Variants in PTPRD observed in about 807,000 individuals in gnomAD.
The protein encoded by PTPRD is protein tyrosine phosphatase receptor type D.
A neutral mutation model predicts 214.5 loss-of-function variants in PTPRD; 34 were observed. That is an observed-to-expected ratio of 0.16 (90% confidence interval 0.12 to 0.21). PTPRD has a LOEUF of 0.21. Among genes scored for constraint, PTPRD ranks in the 10% least tolerant of loss-of-function variants. The pLI is 1.00. For missense variants in PTPRD, 2,545 were observed against 2,398.7 expected (o/e 1.06, Z -1.27); for synonymous variants, 1,128 against 845.7 (o/e 1.33, Z -5.79).
intron 5 of PTPRD, among the ~76,000 whole-genome samples, chr9:9,792,201 T>C (rs2098972903): frequency 1.3e-5 from 2 of 152,086 alleles, no homozygotes; most frequent in African/African-American, 4.8e-5. Context: ...CCTCAGTGAG[T>C]GTGAAACTTT....
At chr9:10,261,075 A>G (rs12353170) in intron 3 of PTPRD, among the ~76,000 whole-genome samples, 2 of 116,640 alleles carry the variant, frequency 1.7e-5, no homozygotes, top group East Asian at 2.6e-4. Context: ...TATTATATAT[A>G]TGTGTGTATA....
At chr9:9,765,627 ACTAC>A (rs1174366111) in intron 6 of PTPRD, among the ~76,000 whole-genome samples, 2 of 152,160 alleles carry the variant, frequency 1.3e-5, no homozygotes, top group Non-Finnish European at 2.9e-5. Context: ...ACCTTCTCCC[ACTAC>A]CTAATCCTGA....
chr9:10,155,185 G>T (rs1011535704), intron 3 of PTPRD, among the ~76,000 whole-genome samples: 3 of 151,932 alleles, frequency 2.0e-5, no homozygotes, highest in Non-Finnish European at 4.4e-5. Flanking sequence ...TGTAATCCTA[G>T]GTATTTTACT....
chr9:8,706,888 C>A (rs566331496), intron 12 of PTPRD, among the ~76,000 whole-genome samples: 1 of 152,168 alleles, frequency 6.6e-6, no homozygotes. Context: ...TTAGCATTAT[C>A]CTCCCGTGCC....
chr9:10,607,927 T>C (rs1158640041), intron 2 of PTPRD, among the ~76,000 whole-genome samples: 1 of 151,952 alleles, frequency 6.6e-6, no homozygotes, highest in African/African-American at 2.4e-5. Flanking sequence ...GTAAAAATTA[T>C]TGTCTGTGTA....
intron 2 of PTPRD, among the ~76,000 whole-genome samples, chr9:10,422,113 T>C (rs966990020): frequency 6.6e-6 from 1 of 151,884 alleles, no homozygotes; most frequent in African/African-American, 2.4e-5. Flanking sequence ...CAAAACAAGA[T>C]ATAGACCAAT....
chr9:8,898,664 A>G (rs536108810), intron 11 of PTPRD, among the ~76,000 whole-genome samples: 2 of 152,304 alleles, frequency 1.3e-5, no homozygotes, highest in African/African-American at 4.8e-5. Flanking sequence ...ACTTGGCACG[A>G]ATAAGATCTC....
intron 12 of PTPRD, among the ~76,000 whole-genome samples, chr9:8,642,141 G>A (rs1172754661): frequency 1.3e-5 from 2 of 151,012 alleles, no homozygotes; most frequent in Non-Finnish European, 2.9e-5. Flanking sequence ...TTAGAGTTGA[G>A]GTATATGATT....
intron 5 of PTPRD, among the ~76,000 whole-genome samples, chr9:9,845,406 C>T (rs928643039): frequency 2.0e-5 from 3 of 151,582 alleles, no homozygotes; most frequent in African/African-American, 7.3e-5. Context: ...CAAGGACCAC[C>T]AGGGCATAGA....
chr9:10,195,851 A>G (rs2099395937), intron 3 of PTPRD, among the ~76,000 whole-genome samples: 1 of 152,192 alleles, frequency 6.6e-6, no homozygotes, highest in South Asian at 2.1e-4. Context: ...TGTATCTACC[A>G]ACACGGATGA....
At position 9,929,586 on chromosome 9, in the gene PTPRD, G is replaced by A. The variant is rs561850513; in HGVS notation, c.-368+8921C>T. 7.5e-3 allele frequency among the ~76,000 whole-genome samples: 1,145 copies of A among 152,190 alleles called. 11 individuals are homozygous for A. Among genetic ancestry groups the A allele is most frequent in the Non-Finnish European group, 0.011 (779 of 68,002 alleles). The stretch of plus-strand genomic sequence containing the variant: ...CTTTTATATTTTTAGTAGAGACAGG[G>A]TTTCACCATGTTGGCCAGGATAGTC... On this transcript the variant is annotated intron_variant, in intron 5 of 45. Coordinates refer to ENST00000381196, the MANE Select transcript of PTPRD (RefSeq NM_002839.4).
At chr9:9,945,848 C>A (rs950033934) in intron 4 of PTPRD, among the ~76,000 whole-genome samples, 1 of 152,000 alleles carries the variant, frequency 6.6e-6, no homozygotes, top group Admixed American at 6.6e-5. Flanking sequence ...AGTTAAAAAT[C>A]AGAAACAAAG....
chr9:9,957,680 T>G (rs1446863062), intron 4 of PTPRD, among the ~76,000 whole-genome samples: 1 of 152,042 alleles, frequency 6.6e-6, no homozygotes, highest in African/African-American at 2.4e-5. Context: ...TTAGTGATAC[T>G]GACAAATGAA....
At chr9:10,040,382 G>A (rs538080024) in intron 3 of PTPRD, among the ~76,000 whole-genome samples, 1 of 151,982 alleles carries the variant, frequency 6.6e-6, no homozygotes, top group Non-Finnish European at 1.5e-5. Context: ...TAAGGGGTAC[G>A]AGGAGCAGAT....
chr9:9,680,581 G>A (rs532879194), intron 7 of PTPRD, among the ~76,000 whole-genome samples: 1 of 151,726 alleles, frequency 6.6e-6, no homozygotes, highest in Admixed American at 6.6e-5. Flanking sequence ...CTTAAAGAAA[G>A]GCTAAGGTAA....
chr9:10,046,282 G>C (rs1489194848), intron 3 of PTPRD, among the ~76,000 whole-genome samples: 2 of 151,694 alleles, frequency 1.3e-5, no homozygotes, highest in Admixed American at 6.6e-5. Context: ...CAATTTTTAA[G>C]ATTTCCCTGG....
At chr9:8,781,443 G>A (rs761367712) in intron 11 of PTPRD, among the ~76,000 whole-genome samples, 1 of 152,156 alleles carries the variant, frequency 6.6e-6, no homozygotes, top group Non-Finnish European at 1.5e-5. Context: ...CAGGAGACCT[G>A]TGTCCTAGCT....
In PTPRD at chr9:10,563,045, T is replaced by A. The variant is rs139369900; in HGVS notation, c.-600+49353A>T. ...GTGAGGCTACTACAGAGCCTAGACATAATCTGTGGGAATGCCTATCCTTCA... is the reference window on the plus strand; with the variant it reads ...GTGAGGCTACTACAGAGCCTAGACAAAATCTGTGGGAATGCCTATCCTTCA... On this transcript the variant is annotated intron_variant, in intron 2 of 45. Transcript: ENST00000381196. 1.6e-3 allele frequency among the ~76,000 whole-genome samples: 250 copies of A among 152,282 alleles called. 2 individuals are homozygous for A. The highest frequency in any genetic ancestry group is 5.7e-3 in the African/African-American group (238 of 41,560).
chr9:10,399,746 A>G (rs1215395708), intron 2 of PTPRD, among the ~76,000 whole-genome samples: 1 of 151,934 alleles, frequency 6.6e-6, no homozygotes, highest in African/African-American at 2.4e-5. Context: ...TGGGAGAAAG[A>G]TATTCTAGGC....
Sources: allele counts gnomAD v4.1 joint callset (sites outside exome capture counted in the v4.1 genomes callset), GRCh38; gene constraint gnomAD v4.1.1; transcripts MANE v1.5; gene names NCBI Gene and HGNC (gene_info 2026-07-23, HGNC 2026-07-21).